IRAK3: variants seen among roughly 807,000 people sequenced by gnomAD.
IRAK3 encodes interleukin 1 receptor associated kinase 3.
Under a neutral mutation model 56.6 loss-of-function variants are expected in IRAK3, and 57 were observed. The observed-to-expected ratio is 1.01, with a 90% CI of 0.81 to 1.26. IRAK3 has a LOEUF of 1.26. IRAK3 is among the 50% of genes most tolerant of loss of function. The pLI, the probability that IRAK3 is intolerant of heterozygous loss-of-function variation, is 0.00. For synonymous variants in IRAK3, 258 were observed against 255.7 expected (o/e 1.01, Z -0.09); for missense variants, 703 against 719.0 (o/e 0.98, Z 0.25).
intron 6 of IRAK3, among the ~76,000 whole-genome samples, chr12:66,224,798 AGTT>A (rs2052769073): frequency 6.6e-6 from 1 of 152,224 alleles, no homozygotes; most frequent in African/African-American, 2.4e-5. Flanking sequence ...ATCCCAGGTT[AGTT>A]GTTCAAATCT....
chr12:66,215,252 G>A (rs553499393), intron 5 of IRAK3, among the ~76,000 whole-genome samples: 292 of 152,198 alleles, frequency 1.9e-3, no homozygotes, highest in African/African-American at 6.6e-3. Flanking sequence ...CAAAGGGTCC[G>A]TCCAGTCTAC....
intron 6 of IRAK3, among the ~76,000 whole-genome samples, chr12:66,222,059 G>T (rs946576779): frequency 6.6e-6 from 1 of 152,028 alleles, no homozygotes; most frequent in Admixed American, 6.6e-5. Context: ...AACAAAAAAT[G>T]TTCTGTTGAA....
At chr12:66,225,946 G>T (rs1398747002) in intron 6 of IRAK3, among the ~76,000 whole-genome samples, 1 of 152,102 alleles carries the variant, frequency 6.6e-6, no homozygotes, top group Non-Finnish European at 1.5e-5. Flanking sequence ...CTCAATAAGT[G>T]GATGAATGAA....
intron 6 of IRAK3, among the ~76,000 whole-genome samples, chr12:66,225,360 C>G (rs2052774625): frequency 6.6e-6 from 1 of 151,476 alleles, no homozygotes; most frequent in African/African-American, 2.4e-5. Flanking sequence ...AAAAACTTCT[C>G]TATGTGTATT....
At position 66,189,273 on chromosome 12, in the gene IRAK3, C is replaced by T. The variant is rs1056431984; in HGVS notation, c.-27C>T. Reference sequence around the variant, plus strand: ...GCGTGCAGGGACCTGGACTCCGCCTCGTCCCCGGGGCTCGGGCAGCCGAGC... The same window carrying T: ...GCGTGCAGGGACCTGGACTCCGCCTTGTCCCCGGGGCTCGGGCAGCCGAGC... On this transcript the variant is annotated 5_prime_UTR_variant, in exon 1 of 12. Transcript: ENST00000261233. 1.2e-5 allele frequency: 18 copies of T among 1,534,876 alleles called. No homozygotes were observed. Among genetic ancestry groups the T allele is most frequent in the Non-Finnish European group, 1.6e-5 (18 of 1,146,694 alleles).
chr12:66,198,749 C>CTTTTTTTTTTTTTTTTTTTTTTTTT (rs377740348), intron 1 of IRAK3, among the ~76,000 whole-genome samples: 1 of 139,646 alleles, frequency 7.2e-6, no homozygotes, highest in Non-Finnish European at 1.6e-5. Context: ...TTTCCTTCTC[C>CTTTTTTTTTTTTTTTTTTTTTTTTT]TTTTTTTTTT....
intron 1 of IRAK3, among the ~76,000 whole-genome samples, chr12:66,201,668 AT>A (rs2052509204): frequency 6.6e-6 from 1 of 152,258 alleles, no homozygotes; most frequent in Admixed American, 6.5e-5. Context: ...TCAGGGCACC[AT>A]AAAAACTCAT....
At chr12:66,216,032 G>T (rs1781467450) in intron 5 of IRAK3, among the ~76,000 whole-genome samples, 1 of 152,172 alleles carries the variant, frequency 6.6e-6, no homozygotes, top group Non-Finnish European at 1.5e-5. Context: ...TGATTCAGCA[G>T]ATCTGACAGG....
chr12:66,234,912 C>G, intron 8 of IRAK3: 1 of 1,614,162 alleles, frequency 6.2e-7, no homozygotes, highest in Non-Finnish European at 8.5e-7. Flanking sequence ...TGAGCTTGAA[C>G]CCCACTGGCC....
Position 66,248,149 on chromosome 12 carries a change from A to T in IRAK3, c.1769A>T (p.Tyr590Phe). 1 of 1,612,990 alleles carries T rather than the reference A, an allele frequency of 6.2e-7. No homozygotes were observed. The highest frequency in any genetic ancestry group is 8.5e-7 in the Non-Finnish European group (1 of 1,179,336). Reference sequence around the variant, plus strand: ...TCCTCCAAATTTTCCTGGGATGAATATGAACAGTACAAAAAAGAATAAATT... The same window carrying T: ...TCCTCCAAATTTTCCTGGGATGAATTTGAACAGTACAAAAAAGAATAAATT... ...SCSSKFSWDEYEQYKKE is the reference protein window; with the variant it reads ...SCSSKFSWDEFEQYKKE Residue 590 changes from tyrosine (Y) to phenylalanine (F), a missense_variant, in exon 12 of 12, where the codon TAT (tyrosine) becomes TTT (phenylalanine). Tyr to Phe is a conservative substitution (Grantham distance 22). Coordinates refer to ENST00000261233, the MANE Select transcript of IRAK3 (RefSeq NM_007199.3).
chr12:66,209,070 C>CA (rs750939808), intron 2 of IRAK3, among the ~76,000 whole-genome samples: 1,704 of 54,010 alleles, frequency 0.032, 32 homozygotes, highest in African/African-American at 0.075. Flanking sequence ...GAGTCCATCT[C>CA]AAAAAAAAAA....
At chr12:66,243,165 A>G (rs551306399) in intron 8 of IRAK3, among the ~76,000 whole-genome samples, 1 of 152,228 alleles carries the variant, frequency 6.6e-6, no homozygotes, top group South Asian at 2.1e-4. Flanking sequence ...CCTTAGCTTC[A>G]TACATTGAAC....
intron 4 of IRAK3, 147 bp downstream of exon 4, chr12:66,210,348 A>C (rs2052599693): frequency 4.8e-6 from 3 of 622,828 alleles, no homozygotes; most frequent in African/African-American, 1.8e-5. Flanking sequence ...AATAACTTCA[A>C]TTTGATTGAC....
chr12:66,233,532 G>T (rs938604486), intron 8 of IRAK3, among the ~76,000 whole-genome samples: 2 of 139,308 alleles, frequency 1.4e-5, no homozygotes, highest in African/African-American at 5.0e-5. Flanking sequence ...AAAAAAAAAG[G>T]CCGGAAAGCT....
intron 1 of IRAK3, among the ~76,000 whole-genome samples, chr12:66,189,789 A>G (rs1383761504): frequency 3.3e-5 from 5 of 152,150 alleles, no homozygotes; most frequent in Non-Finnish European, 7.4e-5. Context: ...ACCCCAGAAC[A>G]TCATTTTAGT....
At chr12:66,244,837 T>C (rs1477159049) in intron 9 of IRAK3, 111 bp from the exon 10 acceptor site, 1 of 1,069,570 alleles carries the variant, frequency 9.3e-7, no homozygotes, top group East Asian at 2.6e-5. Flanking sequence ...ATTAATAAAA[T>C]ATAAAATCAT....
At chr12:66,198,199 T>C in intron 1 of IRAK3, 1 of 699,682 alleles carries the variant, frequency 1.4e-6, no homozygotes, top group Non-Finnish European at 1.8e-6. Context: ...GCTTTCAGAA[T>C]GAAGTTAAGT....
rs74100111 is a variant in IRAK3, at chr12:66,191,728, G to A, written c.133+2296G>A. Among the ~76,000 whole-genome samples the A allele has an allele frequency of 3.1e-3, 470 of 152,296 alleles. 1 individual carries two copies. Among genetic ancestry groups the A allele is most frequent in the African/African-American group, 0.011 (452 of 41,556 alleles). ...TGTGGGCACAGCGAAGGGAGAAAGA[G>A]GGGAAGAGGTGCAGGTAGGGAAAAC... On this transcript the variant is annotated intron_variant, in intron 1 of 11. Transcript: ENST00000261233.
At position 66,210,201 on chromosome 12, in the gene IRAK3, G is replaced by C; in HGVS notation, c.436G>C (p.Gly146Arg). The C allele has an allele frequency of 6.3e-7, 1 of 1,597,218 alleles. No homozygotes were observed. The highest frequency in any genetic ancestry group is 8.6e-7 in the Non-Finnish European group (1 of 1,165,998). Residue 146 changes from glycine (G) to arginine (R), a missense_variant and splice_region_variant, in exon 4 of 12, where the codon GGA (glycine) becomes CGA (arginine). Gly to Arg is a moderately radical substitution (Grantham distance 125). Transcript: ENST00000261233. ...TCTTATTCCTGAACATAATGAAAAAGGTATGAAAAAACCAGTTTTTTTCCA... is the reference window on the plus strand; with the variant it reads ...TCTTATTCCTGAACATAATGAAAAACGTATGAAAAAACCAGTTTTTTTCCA... The part of the protein sequence containing the change: ...NVLIPEHNEK[G>R]ILLKSSISFQ...
Sources: gnomAD v4.1 joint callset for allele counts (sites outside exome capture counted in the v4.1 genomes callset) on GRCh38, gnomAD v4.1.1 for gene constraint, MANE v1.5 for transcripts, NCBI Gene and HGNC (gene_info 2026-07-23, HGNC 2026-07-21) for gene names.